The following DYNC1H1 variants were observed in gnomAD, a reference collection of about 807,000 sequenced individuals.
DYNC1H1 encodes dynein cytoplasmic 1 heavy chain 1.
Under a neutral mutation model 527.1 loss-of-function variants are expected in DYNC1H1, and 51 were observed. The observed-to-expected ratio is 0.10, with a 90% CI of 0.08 to 0.12. The LOEUF (loss-of-function observed/expected upper bound fraction) is 0.12, where lower values mean the gene tolerates loss of function less well. DYNC1H1 is among the 10% of genes least tolerant of loss of function. The probability of loss-of-function intolerance (pLI) is 1.00; values close to 1 mark genes in which losing one functional copy is unlikely to be tolerated. For missense variants in DYNC1H1, 2,771 were observed against 5,971.8 expected (o/e 0.46, Z 17.66); for synonymous variants, 2,189 against 2,278.8 (o/e 0.96, Z 1.12).
At chr14:101,988,664 T>C (rs770399241) in intron 9 of DYNC1H1, 39 bp from the exon 10 acceptor site, 3 of 1,613,824 alleles carry the variant, frequency 1.9e-6, no homozygotes, top group Non-Finnish European at 2.5e-6. Context: ...AGCTAACTTT[T>C]AGAAGAAACA....
At chr14:101,982,904 T>C in intron 5 of DYNC1H1, 115 bp from the exon 6 acceptor site, 1 of 1,262,766 alleles carries the variant, frequency 7.9e-7, no homozygotes, top group Non-Finnish European at 1.1e-6. Flanking sequence ...ATGAATAGTT[T>C]TTGTCTCGCT....
In DYNC1H1 at chr14:101,964,604, T is replaced by C. The variant is rs2047639864; in HGVS notation, c.-88T>C. On this transcript the variant is annotated 5_prime_UTR_variant, in exon 1 of 78. Transcript: ENST00000360184. This position sits in a 1 kb window ranked among gnomAD's most constrained non-coding sequence, Gnocchi z 5.5. ...CGGTGGGCTAGCGGACGGTCCGGCT[T>C]CCGGCGGCCGTTTCTGTCTCTTGCT... is the stretch of plus-strand genomic sequence containing the variant. 2.9e-5 allele frequency: 45 copies of C among 1,530,148 alleles called. No homozygotes were observed. The highest frequency in any genetic ancestry group is 3.7e-5 in the Non-Finnish European group (42 of 1,144,208). The allele number at this position is 1,530,148 out of a possible 1,614,324, so 94.8% of individuals were successfully genotyped here. A position where few individuals can be genotyped will look rare whatever the true frequency, so the allele number is the denominator to read the frequency against.
rs1478092590 is a variant in DYNC1H1 at position 102,011,778 on chromosome 14, A to G, written c.6619-97A>G. 7.5e-7 allele frequency: 1 copy of G among 1,340,506 alleles called. No individual in the cohort carries two copies. The highest frequency in any genetic ancestry group is 1.4e-5 in the African/African-American group (1 of 69,530). 83.0% of individuals were successfully genotyped at this position (1,340,506 alleles called of 1,614,324 possible). The stretch of plus-strand genomic sequence containing the variant: ...GGAAAAAAAAAAAAATCCACACATA[A>G]TGTTTCTTGCTCACTTTCACAAGAG... On this transcript the variant is annotated intron_variant, in intron 32 of 77. Transcript: ENST00000360184. The surrounding 1 kb of genome is among the most constrained non-coding windows in gnomAD (Gnocchi z 5.3).
chr14:102,045,401 A>C (rs889096182), intron 72 of DYNC1H1: 1 of 136,276 alleles, frequency 7.3e-6, no homozygotes, highest in African/African-American at 2.5e-5. Flanking sequence ...ACCTGAGGTC[A>C]GGAGTTCGAG....
intron 1 of DYNC1H1, among the ~76,000 whole-genome samples, chr14:101,972,669 C>T (rs1227811421): frequency 6.6e-6 from 1 of 152,070 alleles, no homozygotes; most frequent in African/African-American, 2.4e-5. Context: ...GTCCGGACTG[C>T]GCAATTTCTG....
Position 102,027,861 on chromosome 14 carries a change from T to G in DYNC1H1, c.9263+28T>G. 1.2e-6 allele frequency: 2 copies of G among 1,614,178 alleles called. No homozygotes were observed. Among genetic ancestry groups the G allele is most frequent in the Non-Finnish European group, 1.7e-6 (2 of 1,180,040 alleles). ...ACGTGGGCCTTTACTTGGCTCTGGG[T>G]CAGGAAAGTCGGTGTCCTTCCAAGG... On this transcript the variant is annotated intron_variant, in intron 47 of 77. Coordinates refer to ENST00000360184, the MANE Select transcript of DYNC1H1 (RefSeq NM_001376.5). This position sits in a 1 kb window ranked among gnomAD's most constrained non-coding sequence, Gnocchi z 7.7.
At position 101,979,188 on chromosome 14, in the gene DYNC1H1, TAAAG is replaced by T. The variant is rs1370009973; in HGVS notation, c.345-125_345-122del. The T allele has an allele frequency of 8.9e-6, 8 of 894,774 alleles. No individual in the cohort carries two copies. The Admixed American group carries it at 1.9e-4, about 21-fold the overall frequency. The allele number at this position is 894,774 out of a possible 1,614,324, so 55.4% of individuals were successfully genotyped here. On this transcript the variant is annotated intron_variant, in intron 2 of 77. Transcript: ENST00000360184. The surrounding 1 kb of genome is among the most constrained non-coding windows in gnomAD (Gnocchi z 4.6). ...CCTTGATTCAGTAGCTCTCATGTAC[TAAAG>T]AAAGACAAGCAGTGCATTTCACTAT...
chr14:102,022,673 AC>A, intron 42 of DYNC1H1, 77 bp from the exon 43 acceptor site: 1 of 1,605,704 alleles, frequency 6.2e-7, no homozygotes, highest in Non-Finnish European at 8.5e-7. Flanking sequence ...AGCCCACAGC[AC>A]CCACAAACAT....
At position 102,004,932 on chromosome 14, in the gene DYNC1H1, T is replaced by C; in HGVS notation, c.5220T>C (p.Thr1740=). The change falls in exon 25 of 78, where the codon ACT becomes ACC. Residue 1740 remains threonine, a synonymous_variant. Transcript: ENST00000360184. ...ATSIDPNTYI[T]WIDKYQAQLV... ...CAATTGACCCAAATACCTACATCAC[T>C]TGGATTGATAAATACCAGGTAATCT... 6.2e-7 allele frequency: 1 copy of C among 1,614,216 alleles called. No homozygotes were observed. The highest frequency in any genetic ancestry group is 1.1e-5 in the South Asian group (1 of 91,084).
chr14:101,994,125 CACTT>C, intron 11 of DYNC1H1, 55 bp from the exon 12 acceptor site: 1 of 1,612,202 alleles, frequency 6.2e-7, no homozygotes, highest in Non-Finnish European at 8.5e-7. Context: ...TAAAAGGTGA[CACTT>C]AGATTACCAT....
intron 41 of DYNC1H1, 30 bp from the exon 42 acceptor site, chr14:102,019,863 G>C (rs2180510): frequency 1.9e-6 from 3 of 1,613,504 alleles, no homozygotes; most frequent in Non-Finnish European, 2.5e-6. Context: ...AGATATTTAC[G>C]TGTACCTTCC....
intron 72 of DYNC1H1, among the ~76,000 whole-genome samples, chr14:102,045,537 G>A (rs1052298517): frequency 6.6e-6 from 1 of 152,146 alleles, no homozygotes; most frequent in Admixed American, 6.5e-5. Flanking sequence ...CTTGAACCCG[G>A]GAGGCAGAGG....
intron 51 of DYNC1H1, among the ~76,000 whole-genome samples, chr14:102,031,447 C>G (rs2048509466): frequency 6.6e-6 from 1 of 152,072 alleles, no homozygotes; most frequent in African/African-American, 2.4e-5. Flanking sequence ...ATTGCCCAGG[C>G]TGGTTTCAAA....
chr14:101,989,562 A>T (rs2047973326), intron 10 of DYNC1H1, among the ~76,000 whole-genome samples: 1 of 152,248 alleles, frequency 6.6e-6, no homozygotes, highest in African/African-American at 2.4e-5. Flanking sequence ...TGTTTATAGT[A>T]TTTGTGTTAT....
Position 102,018,253 on chromosome 14 carries a change from C to T in DYNC1H1, c.8178-198C>T, listed in dbSNP as rs1038744073. Among the ~76,000 whole-genome samples the T allele has an allele frequency of 6.6e-6, 1 of 152,170 alleles. No individual in the cohort carries two copies. The highest frequency in any genetic ancestry group is 1.5e-5 in the Non-Finnish European group (1 of 68,034). ...TCTTTGCTGGTTTTTCAAGTGTTTT[C>T]CATCGACTGTTGTGTGTCAGACCCC... On this transcript the variant is annotated intron_variant, in intron 40 of 77. Coordinates refer to ENST00000360184, the MANE Select transcript of DYNC1H1 (RefSeq NM_001376.5). The surrounding 1 kb of genome is among the most constrained non-coding windows in gnomAD (Gnocchi z 5.2).
chr14:102,022,961 TCTA>T (rs775323330), intron 43 of DYNC1H1, 81 bp downstream of exon 43: 1 of 1,604,148 alleles, frequency 6.2e-7, no homozygotes, highest in Non-Finnish European at 8.5e-7. Context: ...CGAATTATCT[TCTA>T]CTCAAAAATA....
rs2048303665 is a variant in DYNC1H1, at chr14:102,015,014, C to T, written c.7015-91C>T. On this transcript the variant is annotated intron_variant, in intron 34 of 77. Coordinates refer to ENST00000360184, the MANE Select transcript of DYNC1H1 (RefSeq NM_001376.5). The surrounding 1 kb of genome is among the most constrained non-coding windows in gnomAD (Gnocchi z 6.9). The stretch of plus-strand genomic sequence containing the variant: ...TATAGGAAAATTAAGTTTAAAGTCA[C>T]CCTTTCAGTGTATATATAGGTAAAA... The T allele has an allele frequency of 6.8e-6, 10 of 1,467,904 alleles. No individual in the cohort carries two copies. Among genetic ancestry groups the T allele is most frequent in the Non-Finnish European group, 8.5e-6 (9 of 1,054,338 alleles). The allele number at this position is 1,467,904 out of a possible 1,614,324, so 90.9% of individuals were successfully genotyped here.
At chr14:101,984,431 GTATATA>G (rs1555408227) in intron 7 of DYNC1H1, among the ~76,000 whole-genome samples, 2 of 82,794 alleles carry the variant, frequency 2.4e-5, no homozygotes, top group Admixed American at 2.7e-4. Flanking sequence ...GTGTGTGTGT[GTATATA>G]TATATATATT....
intron 12 of DYNC1H1, 68 bp from the exon 13 acceptor site, chr14:101,994,605 A>G (rs766365257): frequency 6.3e-7 from 1 of 1,583,350 alleles, no homozygotes; most frequent in Non-Finnish European, 8.6e-7. Flanking sequence ...GAATGTGAAC[A>G]TAAGAGGTGC....
Sources: allele counts gnomAD v4.1 joint callset (sites outside exome capture counted in the v4.1 genomes callset), GRCh38; gene constraint gnomAD v4.1.1; non-coding constraint Gnocchi (gnomAD v3.1); transcripts MANE v1.5; gene names NCBI Gene and HGNC (gene_info 2026-07-23, HGNC 2026-07-21).